The following METTL15 variants were observed in gnomAD, a reference collection of about 807,000 sequenced individuals.
METTL15 encodes 12S rRNA N(4)-cytidine methyltransferase METTL15.
In METTL15, 34 loss-of-function variants were observed where a neutral mutation model predicts 38.3. The observed-to-expected ratio is 0.89, with a 90% CI of 0.68 to 1.18. METTL15 has a LOEUF of 1.18. Among genes scored for constraint, METTL15 ranks in the 50% most tolerant of loss-of-function variants. The pLI is 0.00. For synonymous variants in METTL15, 162 were observed against 170.9 expected (o/e 0.95, Z 0.41); for missense variants, 438 against 498.4 (o/e 0.88, Z 1.15).
chr11:28,113,331 C>A lies in METTL15; in HGVS notation c.-4C>A, dbSNP rs753747859. 19 of 1,532,010 alleles carry A rather than the reference C, an allele frequency of 1.2e-5. No homozygotes were observed. Among genetic ancestry groups the A allele is most frequent in the Non-Finnish European group, 1.6e-5 (18 of 1,135,144 alleles). The allele number at this position is 1,532,010 out of a possible 1,614,324, so 94.9% of individuals were successfully genotyped here. A position where few individuals can be genotyped will look rare whatever the true frequency, so the allele number is the denominator to read the frequency against. ...TTTTTTTTCTAGATTTGTTTACCTACAAAATGCTTCGGTATCCATATTTTT... is the reference window on the plus strand; with the variant it reads ...TTTTTTTTCTAGATTTGTTTACCTAAAAAATGCTTCGGTATCCATATTTTT... On this transcript the variant is annotated 5_prime_UTR_variant, in exon 3 of 7. Transcript: ENST00000407364.
At chr11:28,530,014 TC>T (rs1369722372), downstream of METTL15, among the ~76,000 whole-genome samples, 1 of 151,804 alleles carries the variant, frequency 6.6e-6, no homozygotes, top group Non-Finnish European at 1.5e-5. Context: ...CAAAGTAGAG[TC>T]TTGGAGCTAT....
At chr11:28,484,704 A>G (rs186823980) in intron 6 of METTL15, among the ~76,000 whole-genome samples, 1 of 152,210 alleles carries the variant, frequency 6.6e-6, no homozygotes, top group East Asian at 1.9e-4. Context: ...GCTGGCTCCT[A>G]CCAACTCATT....
chr11:28,139,733 A>G (rs1849631658), intron 3 of METTL15, among the ~76,000 whole-genome samples: 1 of 152,056 alleles, frequency 6.6e-6, no homozygotes, highest in African/African-American at 2.4e-5. Context: ...GTCCTGGCTT[A>G]ATAAGATGTT....
Position 28,143,687 on chromosome 11 carries a change from G to A in METTL15, c.270+30083G>A, listed in dbSNP as rs761036416. Among the ~76,000 whole-genome samples the A allele has an allele frequency of 3.3e-5, 5 of 152,306 alleles. No homozygotes were observed. The South Asian group carries it at 8.3e-4, about 25-fold the overall frequency. On this transcript the variant is annotated intron_variant, in intron 3 of 6. Transcript: ENST00000407364. ...TTAGGAAGGGGAAAGTCAGAGAACA[G>A]TTATGGGAACAAAGACGCATTAATG...
At chr11:28,369,361 A>G (rs115574290) in intron 5 of METTL15, among the ~76,000 whole-genome samples, 94 of 152,188 alleles carry the variant, frequency 6.2e-4, no homozygotes, top group African/African-American at 2.1e-3. Context: ...GAGAACAGAG[A>G]GAGAATAGTG....
intron 4 of METTL15, among the ~76,000 whole-genome samples, chr11:28,263,729 T>G (rs914308197): frequency 1.3e-5 from 2 of 152,094 alleles, no homozygotes; most frequent in Non-Finnish European, 2.9e-5. Context: ...TCTGTCAGAT[T>G]TAATGAAAAC....
At chr11:28,486,437 T>A (rs1339247487) in intron 6 of METTL15, among the ~76,000 whole-genome samples, 1 of 152,112 alleles carries the variant, frequency 6.6e-6, no homozygotes, top group Non-Finnish European at 1.5e-5. Context: ...GTAAAGCAGA[T>A]GTTCTGTCCA....
At chr11:28,275,254 A>C (rs1855798639) in intron 4 of METTL15, among the ~76,000 whole-genome samples, 1 of 151,836 alleles carries the variant, frequency 6.6e-6, no homozygotes, top group Non-Finnish European at 1.5e-5. Context: ...CAAATAAACA[A>C]AACCAGAAAT....
At position 28,256,580 on chromosome 11, in the gene METTL15, T is replaced by C. The variant is rs150668708; in HGVS notation, c.408-33626T>C. Among the ~76,000 whole-genome samples the C allele has an allele frequency of 4.8e-3, 726 of 152,290 alleles. 6 individuals carry two copies. Among genetic ancestry groups the C allele is most frequent in the African/African-American group, 0.016 (684 of 41,580 alleles). ...TTTTTCATCTCTGATTTTATTTACT[T>C]GAATCTTCTCTCTTTTTTTGGTTAA... On this transcript the variant is annotated intron_variant, in intron 4 of 6. Coordinates refer to ENST00000407364, the MANE Select transcript of METTL15 (RefSeq NM_001113528.2).
At chr11:28,240,033 T>C (rs1203587175) in intron 4 of METTL15, among the ~76,000 whole-genome samples, 1 of 152,112 alleles carries the variant, frequency 6.6e-6, no homozygotes, top group Non-Finnish European at 1.5e-5. Flanking sequence ...TCAATAAATA[T>C]TTGCTGAAAG....
At position 28,254,462 on chromosome 11, in the gene METTL15, T is replaced by A. The variant is rs750676369; in HGVS notation, c.408-35744T>A. Among the ~76,000 whole-genome samples, 4 of 152,320 alleles carry A rather than the reference T, an allele frequency of 2.6e-5. No individual in the cohort carries two copies. The South Asian group carries it at 6.2e-4, about 24-fold the overall frequency. On this transcript the variant is annotated intron_variant, in intron 4 of 6. Coordinates refer to ENST00000407364, the MANE Select transcript of METTL15 (RefSeq NM_001113528.2). ...TCTTCACTTTATTGATTGTATACTTTGCTGTGCAGAAGCTTTTTAACTTGA... is the reference window on the plus strand; with the variant it reads ...TCTTCACTTTATTGATTGTATACTTAGCTGTGCAGAAGCTTTTTAACTTGA...
intron 4 of METTL15, among the ~76,000 whole-genome samples, chr11:28,260,119 C>T (rs765209017): frequency 8.5e-5 from 13 of 152,202 alleles, no homozygotes; most frequent in African/African-American, 3.1e-4. Flanking sequence ...TATTCAACCT[C>T]ATCTTTCTCT....
At chr11:28,376,416 G>T (rs1043947127) in intron 5 of METTL15, among the ~76,000 whole-genome samples, 152 of 152,176 alleles carry the variant, frequency 1.0e-3, no homozygotes, top group African/African-American at 1.9e-3. Flanking sequence ...TTACCATTAT[G>T]TAATGGCCTT....
At chr11:28,223,979 T>C (rs996751019) in intron 4 of METTL15, among the ~76,000 whole-genome samples, 9 of 152,104 alleles carry the variant, frequency 5.9e-5, no homozygotes, top group Non-Finnish European at 1.0e-4. Flanking sequence ...TATAGGTATG[T>C]ATAAAGAAAA....
intron 3 of METTL15, among the ~76,000 whole-genome samples, chr11:28,343,627 G>A (rs1849973806): frequency 6.6e-6 from 1 of 152,168 alleles, no homozygotes; most frequent in African/African-American, 2.4e-5. Context: ...TAGTCTGTTT[G>A]ACTAAAACTC....
intron 5 of METTL15, among the ~76,000 whole-genome samples, chr11:28,390,294 G>A (rs1453623389): frequency 8.7e-5 from 13 of 149,526 alleles, no homozygotes; most frequent in Non-Finnish European, 1.3e-4. Flanking sequence ...TAGACATGAA[G>A]TCCTTGCCCA....
chr11:28,301,180 A>T (rs1322257861), intron 6 of METTL15, among the ~76,000 whole-genome samples: 2 of 151,984 alleles, frequency 1.3e-5, no homozygotes, highest in Non-Finnish European at 2.9e-5. Context: ...GCCATATTGA[A>T]GTTCTTATAG....
chr11:28,388,825 TC>T (rs1157663255), intron 5 of METTL15, among the ~76,000 whole-genome samples: 2 of 151,638 alleles, frequency 1.3e-5, no homozygotes, highest in South Asian at 2.1e-4. Flanking sequence ...ATGCTATCCC[TC>T]CCCCCTACAC....
rs759529090 is a variant in METTL15, at chr11:28,290,375, G to A, written c.577G>A (p.Asp193Asn). The change falls in exon 5 of 7, where the codon GAC becomes AAC. Residue 193 changes from aspartate to asparagine, a missense_variant. Transcript: ENST00000407364. ...TTCCCTTCGGAAAGATGGCCCTTTG[G>A]ACATGAGAATGGATGGTGGCAGGTG... ...GFSLRKDGPL[D>N]MRMDGGRYPD... 1.7e-5 allele frequency: 28 copies of A among 1,612,718 alleles called. No homozygotes were observed. In the South Asian group the frequency reaches 3.0e-4, roughly 17 times the overall value.
Sources: allele counts gnomAD v4.1 joint callset (sites outside exome capture counted in the v4.1 genomes callset), GRCh38; gene constraint gnomAD v4.1.1; transcripts MANE v1.5; gene names NCBI Gene and HGNC (gene_info 2026-07-23, HGNC 2026-07-21).